The following GOLGA3 variants were observed in gnomAD, a reference collection of about 807,000 sequenced individuals.
GOLGA3 encodes golgin A3, also known as golgin subfamily A member 3.
A neutral mutation model predicts 169.4 loss-of-function variants in GOLGA3; 75 were observed. The observed-to-expected ratio is 0.44, with a 90% CI of 0.37 to 0.54. The LOEUF is 0.54. Among genes scored for constraint, GOLGA3 ranks in the 20% least tolerant of loss-of-function variants. The probability of loss-of-function intolerance (pLI) is 0.00; values close to 1 mark genes in which losing one functional copy is unlikely to be tolerated. For missense variants in GOLGA3, 1,899 were observed against 1,930.0 expected (o/e 0.98, Z 0.30); for synonymous variants, 824 against 822.4 (o/e 1.00, Z -0.03).
Position 132,789,202 on chromosome 12 carries a change from T to C in GOLGA3, c.2636A>G (p.Glu879Gly). Residue 879 changes from glutamate (E) to glycine (G), a missense_variant, in exon 13 of 24, where the codon GAG becomes GGG. By Grantham distance (98) the Glu-to-Gly change is moderately conservative. Coordinates refer to ENST00000450791, the MANE Select transcript of GOLGA3 (RefSeq NM_001389683.1). Reference sequence around the variant, plus strand: ...CAGCTCCTGCCGCAGCTCCTTCAGCTCCGAGTCCAGCCTCTTCCTGGTGGC... The same window carrying C: ...CAGCTCCTGCCGCAGCTCCTTCAGCCCCGAGTCCAGCCTCTTCCTGGTGGC... ...LKATRKRLDS[E>G]LKELRQELMQ... The C allele has an allele frequency of 3.1e-6, 5 of 1,611,078 alleles. No homozygotes were observed. The highest frequency in any genetic ancestry group is 4.2e-6 in the Non-Finnish European group (5 of 1,180,008).
In GOLGA3 at chr12:132,770,272, G is replaced by A. The variant is rs1457227985; in HGVS notation, c.*2833C>T. ...AAAATTCCAACTTCCTCTTTTAGGC[G>A]TCTTCTTAAGGAAGGAAGTGTCCGC... is the stretch of plus-strand genomic sequence containing the variant. On this transcript the variant is annotated 3_prime_UTR_variant, in exon 24 of 24. Transcript: ENST00000450791. 1 of 151,682 alleles carries A rather than the reference G, an allele frequency of 6.6e-6. No individual in the cohort carries two copies. The highest frequency in any genetic ancestry group is 1.5e-5 in the Non-Finnish European group (1 of 68,048). The allele number at this position is 151,682 out of a possible 1,614,324, so 9.4% of individuals were successfully genotyped here.
Position 132,777,093 on chromosome 12 carries a change from A to G in GOLGA3, c.3723-3T>C. The G allele has an allele frequency of 1.3e-6, 2 of 1,576,386 alleles. No individual in the cohort carries two copies. Among genetic ancestry groups the G allele is most frequent in the Non-Finnish European group, 1.7e-6 (2 of 1,164,202 alleles). ...GGGAATGTTTCCCCTCCCGAATCCT[A>G]GCGTAAAAAAACAAGAAAGAAGGGA... On this transcript the variant is annotated splice_polypyrimidine_tract_variant and splice_region_variant and intron_variant, in intron 19 of 23. Coordinates refer to ENST00000450791, the MANE Select transcript of GOLGA3 (RefSeq NM_001389683.1). This position sits in a 1 kb window ranked among gnomAD's most constrained non-coding sequence, Gnocchi z 4.7.
chr12:132,801,651 G>A (rs1949131775), intron 8 of GOLGA3, 116 bp downstream of exon 8: 1 of 1,003,788 alleles, frequency 1.0e-6, no homozygotes, highest in Non-Finnish European at 1.5e-6. Flanking sequence ...TGGACAGCAG[G>A]TTAAAAACAA....
At chr12:132,819,166 G>A (rs143186056) in intron 2 of GOLGA3, among the ~76,000 whole-genome samples, 3 of 152,066 alleles carry the variant, frequency 2.0e-5, no homozygotes, top group African/African-American at 7.2e-5. Context: ...GTGTCTCACA[G>A]GGGTCAGCAT....
At chr12:132,824,841 G>A (rs1258735499) in intron 1 of GOLGA3, among the ~76,000 whole-genome samples, 11 of 152,018 alleles carry the variant, frequency 7.2e-5, no homozygotes, top group African/African-American at 1.7e-4. Context: ...AAAACACTGC[G>A]ATCTCCACCA....
At chr12:132,818,722 T>G (rs1416447595) in intron 2 of GOLGA3, among the ~76,000 whole-genome samples, 1 of 152,148 alleles carries the variant, frequency 6.6e-6, no homozygotes, top group Non-Finnish European at 1.5e-5. Flanking sequence ...AAAGGCTGAT[T>G]TTGGAGTCAT....
chr12:132,802,597 C>T (rs1949187165), intron 7 of GOLGA3, among the ~76,000 whole-genome samples: 1 of 149,842 alleles, frequency 6.7e-6, no homozygotes, highest in Non-Finnish European at 1.5e-5. Flanking sequence ...TGCACTCCAG[C>T]GTGGGCAACA....
At chr12:132,823,678 T>C (rs1419607757) in intron 1 of GOLGA3, among the ~76,000 whole-genome samples, 1 of 151,782 alleles carries the variant, frequency 6.6e-6, no homozygotes, top group African/African-American at 2.4e-5. Context: ...TCCCAGCTAC[T>C]TGGGAGCCTG....
At chr12:132,790,371 C>T (rs1175073816) in intron 12 of GOLGA3, among the ~76,000 whole-genome samples, 3 of 152,154 alleles carry the variant, frequency 2.0e-5, no homozygotes, top group African/African-American at 7.2e-5. Flanking sequence ...GCGCTCACAA[C>T]GCTGCTTCAG....
intron 18 of GOLGA3, among the ~76,000 whole-genome samples, chr12:132,780,381 G>A (rs1208353107): frequency 6.6e-6 from 1 of 152,192 alleles, no homozygotes; most frequent in African/African-American, 2.4e-5. Flanking sequence ...TGACCAACGT[G>A]TCAGTGAACA....
intron 18 of GOLGA3, among the ~76,000 whole-genome samples, chr12:132,780,241 G>A (rs1044768674): frequency 2.6e-5 from 4 of 151,986 alleles, no homozygotes; most frequent in African/African-American, 4.8e-5. Flanking sequence ...GCACACACAC[G>A]GCAAGCGTAC....
chr12:132,791,593 T>A (rs894726181), intron 11 of GOLGA3, among the ~76,000 whole-genome samples: 1 of 147,194 alleles, frequency 6.8e-6, no homozygotes, highest in African/African-American at 2.5e-5. Flanking sequence ...AAAGGACACA[T>A]CTGCAGAGTT....
Position 132,770,505 on chromosome 12 carries a change from A to G in GOLGA3, c.*2600T>C, listed in dbSNP as rs935067535. ...AACATAGAGCTACTTTTCCTTCGGTATTTTCAGAATTAGTCTGTCCTAAGA... is the reference window on the plus strand; with the variant it reads ...AACATAGAGCTACTTTTCCTTCGGTGTTTTCAGAATTAGTCTGTCCTAAGA... On this transcript the variant is annotated 3_prime_UTR_variant, in exon 24 of 24. Coordinates refer to ENST00000450791, the MANE Select transcript of GOLGA3 (RefSeq NM_001389683.1). 4 of 152,130 alleles carry G rather than the reference A, an allele frequency of 2.6e-5. No homozygotes were observed. The highest frequency in any genetic ancestry group is 4.8e-5 in the African/African-American group (2 of 41,424). The allele number at this position is 152,130 out of a possible 1,614,324, so 9.4% of individuals were successfully genotyped here.
chr12:132,792,155 A>C (rs562597551), intron 11 of GOLGA3, among the ~76,000 whole-genome samples: 29 of 152,310 alleles, frequency 1.9e-4, no homozygotes, highest in African/African-American at 5.8e-4. Flanking sequence ...TTATAGGAAG[A>C]AGCACTTGTG....
Position 132,777,109 on chromosome 12 carries a change from A to T in GOLGA3, c.3723-19T>A. 6.4e-7 allele frequency: 1 copy of T among 1,565,438 alleles called. No individual in the cohort carries two copies. The highest frequency in any genetic ancestry group is 8.6e-7 in the Non-Finnish European group (1 of 1,159,110). On this transcript the variant is annotated intron_variant, in intron 19 of 23. Transcript: ENST00000450791. The surrounding 1 kb of genome is among the most constrained non-coding windows in gnomAD (Gnocchi z 4.7). ...CCGAATCCTAGCGTAAAAAAACAAG[A>T]AAGAAGGGAATCGCCACGCTCCTCC... is the stretch of plus-strand genomic sequence containing the variant.
At chr12:132,820,131 G>A (rs888724990) in intron 2 of GOLGA3, among the ~76,000 whole-genome samples, 2 of 151,704 alleles carry the variant, frequency 1.3e-5, no homozygotes, top group African/African-American at 4.9e-5. Context: ...AGCCGAGATC[G>A]CACCATTGCA....
At chr12:132,783,373 C>A (rs2045715473) in intron 16 of GOLGA3, among the ~76,000 whole-genome samples, 1 of 152,212 alleles carries the variant, frequency 6.6e-6, no homozygotes, top group South Asian at 2.1e-4. Flanking sequence ...CTGGAGAAGT[C>A]TGTCCAGGCA....
intron 16 of GOLGA3, among the ~76,000 whole-genome samples, chr12:132,783,547 G>A (rs575039404): frequency 1.4e-5 from 2 of 144,612 alleles, no homozygotes; most frequent in African/African-American, 5.0e-5. Context: ...CAGCAGCGCT[G>A]AAGCGAGAAC....
intron 6 of GOLGA3, among the ~76,000 whole-genome samples, chr12:132,806,501 C>CGTGCAT: frequency 6.6e-6 from 1 of 152,228 alleles, no homozygotes; most frequent in Non-Finnish European, 1.5e-5. Context: ...CGACATGAGG[C>CGTGCAT]GTGCATTTAG....
Sources: gnomAD v4.1 joint callset for allele counts (sites outside exome capture counted in the v4.1 genomes callset) on GRCh38, gnomAD v4.1.1 for gene constraint, Gnocchi (gnomAD v3.1) non-coding constraint, MANE v1.5 for transcripts, NCBI Gene and HGNC (gene_info 2026-07-23, HGNC 2026-07-21) for gene names.